GPR161: variants seen among roughly 807,000 people sequenced by gnomAD.
GPR161 encodes the protein G protein-coupled receptor 161, also known as G-protein coupled receptor RE2.
GPR161 carries 25 observed loss-of-function variants against 39.2 expected under a neutral mutation model. The ratio of observed to expected loss-of-function variants is 0.64; its 90% CI spans 0.47 to 0.89. The LOEUF is 0.89. GPR161 is among the 40% of genes least tolerant of loss of function. The probability of loss-of-function intolerance (pLI) is 0.00; values close to 1 mark genes in which losing one functional copy is unlikely to be tolerated. For synonymous variants in GPR161, 286 were observed against 276.6 expected, an observed-to-expected ratio of 1.03 and a Z score of -0.34; for missense variants, 547 against 677.8, an observed-to-expected ratio of 0.81 and a Z score of 2.14.
rs936842397 is a variant in GPR161, at chr1:168,083,191, C to T, written c.*2340G>A. ...CTACAGAGCCTAGCCTGGTGCTTCG[C>T]ATACACTGGATGTGCAGTGTCTGGT... is the stretch of plus-strand genomic sequence containing the variant. On this transcript the variant is annotated 3_prime_UTR_variant, in exon 6 of 6. Transcript: ENST00000682931. 1 of 152,240 alleles carries T rather than the reference C, an allele frequency of 6.6e-6. No homozygotes were observed. Among genetic ancestry groups the T allele is most frequent in the East Asian group, 1.9e-4 (1 of 5,196 alleles). The allele number at this position is 152,240 out of a possible 1,614,324, so 9.4% of individuals were successfully genotyped here.
At position 168,080,065 on chromosome 1, in the gene GPR161, C is replaced by G. The variant is rs903783004; in HGVS notation, c.*5466G>C. ...AATCTTGTGCAGATTTGAGTTTGTG[C>G]TTTGATGTTTTCAAAGGAATCTTCA... On this transcript the variant is annotated 3_prime_UTR_variant, in exon 6 of 6. Transcript: ENST00000682931. 6.6e-6 allele frequency: 1 copy of G among 152,114 alleles called. No homozygotes were observed. The highest frequency in any genetic ancestry group is 1.5e-5 in the Non-Finnish European group (1 of 68,014). 9.4% of individuals were successfully genotyped at this position (152,114 alleles called of 1,614,324 possible).
At chr1:168,107,953 C>G (rs1426160622) in intron 1 of GPR161, among the ~76,000 whole-genome samples, 2 of 152,172 alleles carry the variant, frequency 1.3e-5, no homozygotes, top group Non-Finnish European at 2.9e-5. Context: ...TGTATGCACC[C>G]TGTCTTAGTC....
At chr1:168,109,365 G>A (rs970911913) in intron 1 of GPR161, among the ~76,000 whole-genome samples, 15 of 152,168 alleles carry the variant, frequency 9.9e-5, no homozygotes, top group Non-Finnish European at 1.8e-4. Context: ...CTAAAAGGCA[G>A]AATATTAACC....
intron 4 of GPR161, chr1:168,089,039 T>C (rs762965249): frequency 6.6e-6 from 1 of 152,202 alleles, no homozygotes; most frequent in African/African-American, 2.4e-5. Flanking sequence ...ATTTAAAGTA[T>C]ACAATTCAAT....
rs1046258575 is a variant in GPR161 at position 168,104,817 on chromosome 1, C to T, written c.34G>A (p.Glu12Lys). 1 of 1,613,524 alleles carries T rather than the reference C, an allele frequency of 6.2e-7. No individual in the cohort carries two copies. The change falls in exon 2 of 6, where the codon GAG becomes AAG. Residue 12 changes from glutamate to lysine, a missense_variant. Transcript: ENST00000682931. The stretch of plus-strand genomic sequence containing the variant: ...TCCTCCTCAGTGAGATTACTCAGCT[C>T]CTTCCTGCAGCTGAGGGAGGAGTTG... The part of the protein sequence containing the change: ...SLNSSLSCRK[E>K]LSNLTEEEGG...
At chr1:168,131,994 G>C (rs1415984550) in intron 1 of GPR161, among the ~76,000 whole-genome samples, 1 of 152,226 alleles carries the variant, frequency 6.6e-6, no homozygotes, top group Non-Finnish European at 1.5e-5. Flanking sequence ...GCCAGGCGCG[G>C]TGACTCAAGC....
At position 168,085,181 on chromosome 1, in the gene GPR161, G is replaced by A. The variant is rs2102086204; in HGVS notation, c.*350C>T. ...TGAAGAGGAGGAAATGATGCATGTG[G>A]GGGTCTCCTTCCAAGCCCTTCGTCT... is the stretch of plus-strand genomic sequence containing the variant. On this transcript the variant is annotated 3_prime_UTR_variant, in exon 6 of 6. Coordinates refer to ENST00000682931, the MANE Select transcript of GPR161 (RefSeq NM_001375883.1). 2 of 444,974 alleles carry A rather than the reference G, an allele frequency of 4.5e-6. No individual in the cohort carries two copies. Among genetic ancestry groups the A allele is most frequent in the South Asian group, 3.7e-5 (2 of 54,766 alleles). The allele number at this position is 444,974 out of a possible 1,614,324, so 27.6% of individuals were successfully genotyped here. A position where few individuals can be genotyped will look rare whatever the true frequency, so the allele number is the denominator to read the frequency against.
chr1:168,125,008 T>C (rs144801723), intron 1 of GPR161, among the ~76,000 whole-genome samples: 22 of 152,342 alleles, frequency 1.4e-4, no homozygotes, highest in African/African-American at 5.0e-4. Context: ...TATTCCTGTA[T>C]AGCAACACAA....
intron 1 of GPR161, among the ~76,000 whole-genome samples, chr1:168,119,238 A>ACATATATATATATG (rs1558129774): frequency 4.8e-5 from 6 of 124,168 alleles, no homozygotes; most frequent in African/African-American, 2.0e-4. Flanking sequence ...GTATATATAT[A>ACATATATATATATG]TATACACATA....
intron 1 of GPR161, chr1:168,134,831 T>G (rs1022612176): frequency 1.5e-6 from 2 of 1,360,822 alleles, no homozygotes; most frequent in African/African-American, 2.9e-5. Flanking sequence ...CCAGCCCTCC[T>G]GTCCACCCGC....
intron 4 of GPR161, 187 bp downstream of exon 4, chr1:168,090,377 G>A (rs975837765): frequency 1.2e-5 from 6 of 515,506 alleles, no homozygotes; most frequent in Non-Finnish European, 2.1e-5. Context: ...GGAAGAAACT[G>A]AGACACAGGA....
chr1:168,087,417 G>A (rs1694630714), intron 5 of GPR161, among the ~76,000 whole-genome samples, 168 bp downstream of exon 5: 1 of 152,158 alleles, frequency 6.6e-6, no homozygotes, highest in South Asian at 2.1e-4. Flanking sequence ...AGAACTGGGT[G>A]CCTAAGGACT....
intron 2 of GPR161, among the ~76,000 whole-genome samples, chr1:168,099,118 C>A (rs990575667): frequency 2.6e-5 from 4 of 152,172 alleles, no homozygotes; most frequent in African/African-American, 9.7e-5. Flanking sequence ...AGGACGAAAG[C>A]CCTACACTGC....
intron 1 of GPR161, among the ~76,000 whole-genome samples, chr1:168,131,946 T>C (rs563595851): frequency 7.2e-5 from 11 of 152,286 alleles, no homozygotes; most frequent in African/African-American, 1.9e-4. Flanking sequence ...TAGAGTAAAC[T>C]TGGAAGAATA....
chr1:168,124,775 G>A (rs1698463096), intron 1 of GPR161, among the ~76,000 whole-genome samples: 1 of 152,176 alleles, frequency 6.6e-6, no homozygotes, highest in Non-Finnish European at 1.5e-5. Flanking sequence ...GGCAGGCTTG[G>A]TGCCATCCCC....
intron 1 of GPR161, among the ~76,000 whole-genome samples, chr1:168,131,978 T>A (rs1054166364): frequency 1.3e-5 from 2 of 152,164 alleles, no homozygotes; most frequent in African/African-American, 2.4e-5. Context: ...AAAATGCACA[T>A]AACTGGCCAG....
chr1:168,135,446 A>T (rs1699285878), intron 1 of GPR161, among the ~76,000 whole-genome samples: 1 of 152,242 alleles, frequency 6.6e-6, no homozygotes, highest in South Asian at 2.1e-4. Flanking sequence ...TGAAAGAAGT[A>T]ACAGAAATGG....
rs758900944 is a variant in GPR161, at chr1:168,098,773, G to A, written c.375-1541C>T. On this transcript the variant is annotated intron_variant, in intron 2 of 5. Coordinates refer to ENST00000682931, the MANE Select transcript of GPR161 (RefSeq NM_001375883.1). The surrounding 1 kb of genome is among the most constrained non-coding windows in gnomAD (Gnocchi z 4.1). ...CGCAGTGATTAGGGTGTCTATTACA[G>A]AATCACTGCACAGTGGCTGGGTAAG... Among the ~76,000 whole-genome samples, 12 of 152,240 alleles carry A rather than the reference G, an allele frequency of 7.9e-5. No individual in the cohort carries two copies. The highest frequency in any genetic ancestry group is 1.6e-4 in the Non-Finnish European group (11 of 68,042).
chr1:168,085,617 G>A lies in GPR161; in HGVS notation c.1504C>T (p.Arg502Cys), dbSNP rs1229838876. Residue 502 changes from arginine (R) to cysteine (C), a missense_variant, in exon 6 of 6, where the codon CGC becomes TGC. Arg to Cys is a radical substitution (Grantham distance 180). Coordinates refer to ENST00000682931, the MANE Select transcript of GPR161 (RefSeq NM_001375883.1). ...CTCACAAGAGTTCTGCTGCCTCGGC[G>A]GCCCCCGAAGCCGCCCCCCGGGACA... ...RTVPGGGFGG[R>C]RGSRTLVSQR... The A allele has an allele frequency of 5.6e-6, 9 of 1,613,812 alleles. No individual in the cohort carries two copies. Among genetic ancestry groups the A allele is most frequent in the South Asian group, 4.4e-5 (4 of 91,080 alleles).
Sources: allele counts gnomAD v4.1 joint callset (sites outside exome capture counted in the v4.1 genomes callset), GRCh38; gene constraint gnomAD v4.1.1; non-coding constraint Gnocchi (gnomAD v3.1); transcripts MANE v1.5; gene names NCBI Gene and HGNC (gene_info 2026-07-23, HGNC 2026-07-21).